PTK7: variants seen among roughly 807,000 people sequenced by gnomAD.
PTK7 encodes protein tyrosine kinase 7 (inactive).
PTK7 carries 39 observed loss-of-function variants against 116.6 expected under a neutral mutation model. The observed-to-expected ratio is 0.33, with a 90% CI of 0.26 to 0.44. The LOEUF (loss-of-function observed/expected upper bound fraction) is 0.44, where lower values mean the gene tolerates loss of function less well. Ranked by LOEUF, PTK7 falls within the 20% of genes least tolerant of loss-of-function variation. The probability of loss-of-function intolerance (pLI) is 1.00; values close to 1 mark genes in which losing one functional copy is unlikely to be tolerated. For synonymous variants in PTK7, 546 were observed against 563.6 expected, an observed-to-expected ratio of 0.97 and a Z score of 0.44; for missense variants, 1,169 against 1,425.6, an observed-to-expected ratio of 0.82 and a Z score of 2.90.
intron 15 of PTK7, 123 bp downstream of exon 15, chr6:43,144,729 A>G (rs1220051311): frequency 2.4e-6 from 3 of 1,243,436 alleles, no homozygotes; most frequent in Non-Finnish European, 3.3e-6. Flanking sequence ...GGAGGGAAGC[A>G]TAGGTAGAGA....
chr6:43,161,505 C>T lies in PTK7; in HGVS notation c.*624C>T, dbSNP rs984262830. ...CAGGAGCTTTTGACACTATATAAAC[C>T]GCCCTTTTTGTATGCACCACGGGCG... On this transcript the variant is annotated 3_prime_UTR_variant, in exon 20 of 20. Transcript: ENST00000230419. 2.0e-5 allele frequency: 3 copies of T among 151,170 alleles called. No individual in the cohort carries two copies. Among genetic ancestry groups the T allele is most frequent in the East Asian group, 1.9e-4 (1 of 5,156 alleles). 9.4% of individuals were successfully genotyped at this position (151,170 alleles called of 1,614,324 possible).
At chr6:43,157,275 A>G (rs1198551905) in intron 17 of PTK7, among the ~76,000 whole-genome samples, 7 of 135,876 alleles carry the variant, frequency 5.2e-5, no homozygotes, top group Non-Finnish European at 1.1e-4. Flanking sequence ...ATATGGGTCT[A>G]TATGCCTTAA....
intron 16 of PTK7, 139 bp from the exon 17 acceptor site, chr6:43,146,479 C>T (rs1008119765): frequency 2.6e-5 from 18 of 696,810 alleles, no homozygotes; most frequent in Non-Finnish European, 4.4e-5. Flanking sequence ...TGAACTTCCC[C>T]CTGGGAAAGG....
chr6:43,160,001 T>C, intron 19 of PTK7, 35 bp downstream of exon 19: 2 of 1,595,930 alleles, frequency 1.3e-6, no homozygotes, highest in Non-Finnish European at 1.7e-6. Context: ...TGATTCCAGA[T>C]GGGCCCCAGA....
chr6:43,132,692 GC>G lies in PTK7; in HGVS notation c.1228+6del. The G allele has an allele frequency of 1.3e-6, 2 of 1,557,804 alleles. No individual in the cohort carries two copies. Among genetic ancestry groups the G allele is most frequent in the Non-Finnish European group, 1.7e-6 (2 of 1,150,666 alleles). Reference sequence around the variant, plus strand: ...ATGTCAACATCACTGTGGCCAGTGAGCACCTTTGCCCTGAAGGTCAAGGAGA... The same window carrying G: ...ATGTCAACATCACTGTGGCCAGTGAGACCTTTGCCCTGAAGGTCAAGGAGA... On this transcript the variant is annotated splice_donor_region_variant and intron_variant, in intron 7 of 19. Coordinates refer to ENST00000230419, the MANE Select transcript of PTK7 (RefSeq NM_002821.5).
At position 43,076,748 on chromosome 6, in the gene PTK7, G is replaced by A; in HGVS notation, c.79+181G>A. ...GGAGCCCGGGTGTCGGGAGGCTGGC[G>A]AAGCCTCCAGGGACGCGGTCAGGGT... On this transcript the variant is annotated intron_variant, in intron 1 of 19. Coordinates refer to ENST00000230419, the MANE Select transcript of PTK7 (RefSeq NM_002821.5). The surrounding 1 kb of genome is among the most constrained non-coding windows in gnomAD (Gnocchi z 5.7). 1 of 1,383,374 alleles carries A rather than the reference G, an allele frequency of 7.2e-7. No homozygotes were observed. Among genetic ancestry groups the A allele is most frequent in the Non-Finnish European group, 9.4e-7 (1 of 1,064,412 alleles). 85.7% of individuals were successfully genotyped at this position (1,383,374 alleles called of 1,614,324 possible). A position where few individuals can be genotyped will look rare whatever the true frequency, so the allele number is the denominator to read the frequency against.
At chr6:43,158,697 G>T in intron 17 of PTK7, 120 bp from the exon 18 acceptor site, 1 of 1,053,320 alleles carries the variant, frequency 9.5e-7, no homozygotes. Context: ...AGGCTGTTGT[G>T]CTTCTGGGCT....
At chr6:43,155,407 C>G (rs886578322) in intron 17 of PTK7, among the ~76,000 whole-genome samples, 1 of 151,792 alleles carries the variant, frequency 6.6e-6, no homozygotes, top group Non-Finnish European at 1.5e-5. Flanking sequence ...GCTTTGGGAG[C>G]CGAGGCAGGT....
At position 43,131,076 on chromosome 6, in the gene PTK7, C is replaced by CACACAT. The variant is rs1311449045; in HGVS notation, c.812+417_812+418insACATAC. Among the ~76,000 whole-genome samples the CACACAT allele has an allele frequency of 7.4e-4, 109 of 147,264 alleles. 1 individual carries two copies. Among genetic ancestry groups the CACACAT allele is most frequent in the African/African-American group, 2.6e-3 (102 of 38,892 alleles). On this transcript the variant is annotated intron_variant, in intron 5 of 19. Coordinates refer to ENST00000230419, the MANE Select transcript of PTK7 (RefSeq NM_002821.5). Reference sequence around the variant, plus strand: ...ACACACACACACACACACACACACACACTTTTTAGAGGAAGCAAACACCTC... The same window carrying CACACAT: ...ACACACACACACACACACACACACACACACATACTTTTTAGAGGAAGCAAACACCTC...
At chr6:43,089,230 T>G (rs1766818877) in intron 1 of PTK7, among the ~76,000 whole-genome samples, 2 of 152,196 alleles carry the variant, frequency 1.3e-5, no homozygotes, top group South Asian at 4.1e-4. Flanking sequence ...CCACTCTTGG[T>G]GATTCCACTG....
At position 43,155,980 on chromosome 6, in the gene PTK7, G is replaced by A. The variant is rs574843974; in HGVS notation, c.2722-2837G>A. On this transcript the variant is annotated intron_variant, in intron 17 of 19. Transcript: ENST00000230419. ...GTGGTGGCTCACGCCTGTAATCCCA[G>A]CACTTTGGGAGGCTGAGGCAGGCTG... Among the ~76,000 whole-genome samples the A allele has an allele frequency of 2.0e-5, 3 of 152,228 alleles. No individual in the cohort carries two copies. The East Asian group carries it at 5.8e-4, about 29-fold the overall frequency.
chr6:43,086,170 G>A (rs1291075850), intron 1 of PTK7, among the ~76,000 whole-genome samples: 1 of 152,154 alleles, frequency 6.6e-6, no homozygotes, highest in East Asian at 1.9e-4. Context: ...AGTGGGTAGT[G>A]AACTGTGCTT....
At chr6:43,157,365 T>TATA (rs1554162298) in intron 17 of PTK7, among the ~76,000 whole-genome samples, 2 of 26,888 alleles carry the variant, frequency 7.4e-5, no homozygotes, top group Admixed American at 4.1e-4. Context: ...TATATATATA[T>TATA]TTTTTTTTTT....
At position 43,142,093 on chromosome 6, in the gene PTK7, T is replaced by A; in HGVS notation, c.1919+12T>A. ...AAGCTGGGACCCAGGTAGGGCCACC[T>A]CTCTCCCACACCCGTCCCTCCTCTC... On this transcript the variant is annotated intron_variant, in intron 12 of 19. Coordinates refer to ENST00000230419, the MANE Select transcript of PTK7 (RefSeq NM_002821.5). 1 of 1,612,346 alleles carries A rather than the reference T, an allele frequency of 6.2e-7. No individual in the cohort carries two copies. The highest frequency in any genetic ancestry group is 8.5e-7 in the Non-Finnish European group (1 of 1,179,304).
At chr6:43,108,922 C>T (rs968946592) in intron 1 of PTK7, among the ~76,000 whole-genome samples, 1 of 152,126 alleles carries the variant, frequency 6.6e-6, no homozygotes, top group Admixed American at 6.5e-5. Flanking sequence ...ACCAATCTCC[C>T]CTCATTAACT....
intron 16 of PTK7, chr6:43,146,302 CAGAGGGT>C (rs1770720567): frequency 4.6e-6 from 1 of 217,066 alleles, no homozygotes; most frequent in East Asian, 9.7e-5. Flanking sequence ...TCTTTGAGGG[CAGAGGGT>C]AGGGGACTGT....
chr6:43,103,792 GC>G (rs991545960), intron 1 of PTK7, among the ~76,000 whole-genome samples: 67 of 152,314 alleles, frequency 4.4e-4, no homozygotes, highest in African/African-American at 1.6e-3. Context: ...AACTATTCCT[GC>G]TCCACCTTCA....
rs777268158 is a variant in PTK7, at chr6:43,138,946, A to G, written c.1326A>G (p.Thr442=). 5.6e-6 allele frequency: 9 copies of G among 1,614,024 alleles called. No homozygotes were observed. Among genetic ancestry groups the G allele is most frequent in the Non-Finnish European group, 6.8e-6 (8 of 1,180,042 alleles). ...DCLTQATPKP[T]VVWYRNQMLI... ...TGACCCAGGCCACACCAAAACCTACAGTTGTCTGGTACAGAAACCAGATGC... is the reference window on the plus strand; with the variant it reads ...TGACCCAGGCCACACCAAAACCTACGGTTGTCTGGTACAGAAACCAGATGC... The change falls in exon 8 of 20, where the codon ACA becomes ACG. Residue 442 remains threonine (T), a synonymous_variant. Coordinates refer to ENST00000230419, the MANE Select transcript of PTK7 (RefSeq NM_002821.5).
intron 1 of PTK7, among the ~76,000 whole-genome samples, chr6:43,123,255 G>A (rs920216583): frequency 5.3e-5 from 8 of 152,276 alleles, no homozygotes; most frequent in African/African-American, 1.2e-4. Context: ...GCGCCTGGCC[G>A]GATGGAATTT....
Sources: allele counts gnomAD v4.1 joint callset (sites outside exome capture counted in the v4.1 genomes callset), GRCh38; gene constraint gnomAD v4.1.1; non-coding constraint Gnocchi (gnomAD v3.1); transcripts MANE v1.5; gene names NCBI Gene and HGNC (gene_info 2026-07-23, HGNC 2026-07-21).